LHFPL3: variants seen among roughly 807,000 people sequenced by gnomAD.
The protein encoded by LHFPL3 is LHFPL tetraspan subfamily member 3 protein.
In LHFPL3, 5 loss-of-function variants were observed where a neutral mutation model predicts 19.3. That is an observed-to-expected ratio of 0.26 (90% CI 0.14 to 0.54). The LOEUF (loss-of-function observed/expected upper bound fraction) is 0.54. Ranked by LOEUF, LHFPL3 falls within the 20% of genes least tolerant of loss-of-function variation. The pLI, the probability that LHFPL3 is intolerant of heterozygous loss-of-function variation, is 0.94. For missense variants in LHFPL3, 249 were observed against 307.4 expected (o/e 0.81, Z 1.42); for synonymous variants, 133 against 126.2 (o/e 1.05, Z -0.36).
intron 1 of LHFPL3, among the ~76,000 whole-genome samples, chr7:104,504,538 A>T (rs576506871): frequency 1.3e-5 from 2 of 152,338 alleles, no homozygotes; most frequent in East Asian, 3.9e-4. Flanking sequence ...TAAAAGCAAT[A>T]GCAATCCTCC....
chr7:104,859,531 T>C lies in LHFPL3; in HGVS notation c.683-46656T>C, dbSNP rs1477924139. On this transcript the variant is annotated intron_variant, in intron 2 of 2. Transcript: ENST00000424859. The stretch of plus-strand genomic sequence containing the variant: ...CAAAAACACAAAAATTAGCAGGGCA[T>C]GGTGGCACATGCCTGTAGTCCCAAA... 3.3e-5 allele frequency among the ~76,000 whole-genome samples: 5 copies of C among 151,944 alleles called. No homozygotes were observed. The South Asian group carries it at 8.3e-4, about 25-fold the overall frequency.
chr7:104,803,545 A>T (rs1391712296), intron 2 of LHFPL3: 2 of 152,026 alleles, frequency 1.3e-5, no homozygotes, highest in Non-Finnish European at 2.9e-5. Context: ...CTTCCATCCT[A>T]CTCAGCTTAG....
At chr7:104,646,658 CT>C (rs1437596519) in intron 1 of LHFPL3, among the ~76,000 whole-genome samples, 1 of 152,122 alleles carries the variant, frequency 6.6e-6, no homozygotes, top group African/African-American at 2.4e-5. Flanking sequence ...TATAGTTCCC[CT>C]AATCAAACGT....
At chr7:104,827,980 C>A (rs1790858467) in intron 2 of LHFPL3, among the ~76,000 whole-genome samples, 1 of 151,868 alleles carries the variant, frequency 6.6e-6, no homozygotes, top group Non-Finnish European at 1.5e-5. Context: ...ACTGACTGCC[C>A]CCAGTTCATA....
chr7:104,835,151 A>G (rs1791066912), intron 2 of LHFPL3, among the ~76,000 whole-genome samples: 1 of 151,796 alleles, frequency 6.6e-6, no homozygotes, highest in Non-Finnish European at 1.5e-5. Flanking sequence ...TGTCATTTGG[A>G]CCTCAGTTTA....
intron 1 of LHFPL3, among the ~76,000 whole-genome samples, chr7:104,592,897 C>T (rs908494276): frequency 6.6e-6 from 1 of 152,170 alleles, no homozygotes; most frequent in Non-Finnish European, 1.5e-5. Flanking sequence ...TTAGGACCCT[C>T]TGAGCCAGTC....
rs866329611 is a variant in LHFPL3 at position 104,462,389 on chromosome 7, G to A, written c.445+133165G>A. ...GTTTGTCATGGATGGCTATTATTTT[G>A]AGGTATGTTCCTTCAATATGTAGTT... On this transcript the variant is annotated intron_variant, in intron 1 of 2. Coordinates refer to ENST00000424859, the MANE Select transcript of LHFPL3 (RefSeq NM_199000.3). Among the ~76,000 whole-genome samples the A allele has an allele frequency of 1.6e-4, 25 of 152,286 alleles. No individual in the cohort carries two copies. In the Middle Eastern group the frequency reaches 0.01, roughly 62 times the overall value.
intron 1 of LHFPL3, among the ~76,000 whole-genome samples, chr7:104,346,318 A>AGT (rs1189812511): frequency 6.7e-6 from 1 of 148,906 alleles, no homozygotes; most frequent in African/African-American, 2.5e-5. Flanking sequence ...CATATTTTTA[A>AGT]GTGTTCTAGT....
chr7:104,506,018 A>ATTTTTTTTTTTTTT (rs35956092), intron 1 of LHFPL3, among the ~76,000 whole-genome samples: 1 of 145,972 alleles, frequency 6.9e-6, no homozygotes, highest in Non-Finnish European at 1.5e-5. Flanking sequence ...ATGAAAACTG[A>ATTTTTTTTTTTTTT]TTTTTTTTTT....
At chr7:104,495,699 G>C (rs1793460730) in intron 1 of LHFPL3, among the ~76,000 whole-genome samples, 1 of 152,020 alleles carries the variant, frequency 6.6e-6, no homozygotes, top group Non-Finnish European at 1.5e-5. Context: ...TTTTTTTGTA[G>C]AGACTGGTGG....
chr7:104,810,158 T>C (rs768269265), intron 2 of LHFPL3, among the ~76,000 whole-genome samples: 3 of 152,098 alleles, frequency 2.0e-5, no homozygotes, highest in Non-Finnish European at 2.9e-5. Flanking sequence ...ACACCTGAAG[T>C]TCTTAGTGCC....
At chr7:104,551,951 T>G (rs10254402) in intron 1 of LHFPL3, among the ~76,000 whole-genome samples, 2 of 151,978 alleles carry the variant, frequency 1.3e-5, no homozygotes. Flanking sequence ...CTCTAAAACT[T>G]TCAGTGTTGC....
intron 1 of LHFPL3, among the ~76,000 whole-genome samples, chr7:104,609,954 A>G (rs1791180314): frequency 6.6e-6 from 1 of 152,210 alleles, no homozygotes; most frequent in Admixed American, 6.5e-5. Context: ...CAAAACTACC[A>G]GAAATTATGT....
chr7:104,891,930 G>A (rs540211062), intron 2 of LHFPL3, among the ~76,000 whole-genome samples: 1 of 152,332 alleles, frequency 6.6e-6, no homozygotes, highest in East Asian at 1.9e-4. Context: ...TAGACTCAGT[G>A]AATCACTTTG....
At chr7:104,402,735 AT>A (rs1010346857) in intron 1 of LHFPL3, among the ~76,000 whole-genome samples, 1 of 152,112 alleles carries the variant, frequency 6.6e-6, no homozygotes, top group African/African-American at 2.4e-5. Context: ...AAATTATACT[AT>A]TTTTTTGCTT....
chr7:104,795,325 C>T (rs538478038), intron 2 of LHFPL3, among the ~76,000 whole-genome samples: 1 of 152,318 alleles, frequency 6.6e-6, no homozygotes, highest in South Asian at 2.1e-4. Flanking sequence ...TTCCCATTGC[C>T]GGAAAGTCAG....
chr7:104,432,802 A>T (rs1324436888), intron 1 of LHFPL3, among the ~76,000 whole-genome samples: 2 of 151,894 alleles, frequency 1.3e-5, no homozygotes, highest in African/African-American at 4.8e-5. Flanking sequence ...TTAATTTCTA[A>T]ATTCTGTTGA....
chr7:104,859,588 G>C (rs1791575334), intron 2 of LHFPL3, among the ~76,000 whole-genome samples: 1 of 152,062 alleles, frequency 6.6e-6, no homozygotes, highest in African/African-American at 2.4e-5. Context: ...AGAATCACTT[G>C]AACCCGGAAG....
At chr7:104,388,502 C>A (rs912089210) in intron 1 of LHFPL3, among the ~76,000 whole-genome samples, 1 of 152,236 alleles carries the variant, frequency 6.6e-6, no homozygotes, top group Admixed American at 6.5e-5. Context: ...TCTTTCCCAA[C>A]CTCTCTAAAT....
Sources: gnomAD v4.1 joint callset for allele counts (sites outside exome capture counted in the v4.1 genomes callset) on GRCh38, gnomAD v4.1.1 for gene constraint, MANE v1.5 for transcripts, NCBI Gene and HGNC (gene_info 2026-07-23, HGNC 2026-07-21) for gene names.